The following SULT1C2 variants were observed in gnomAD, a reference collection of about 807,000 sequenced individuals.
SULT1C2 encodes the protein sulfotransferase family 1C member 2.
SULT1C2 carries 27 observed loss-of-function variants against 36.0 expected under a neutral mutation model. The ratio of observed to expected loss-of-function variants is 0.75; its 90% CI spans 0.55 to 1.03. SULT1C2 has a LOEUF of 1.03. Among genes scored for constraint, SULT1C2 ranks in the 50% least tolerant of loss-of-function variants. SULT1C2 has a pLI of 0.00. For missense variants in SULT1C2, 395 were observed against 359.2 expected (o/e 1.10, Z -0.80); for synonymous variants, 121 against 116.0 (o/e 1.04, Z -0.27).
intron 1 of SULT1C2, 102 bp from the exon 2 acceptor site, chr2:108,293,545 G>C: frequency 9.3e-7 from 1 of 1,076,574 alleles, no homozygotes; most frequent in Non-Finnish European, 1.3e-6. Flanking sequence ...TGTACTTAAT[G>C]CCTCTGAACT....
chr2:108,304,777 T>TC (rs1375326277), intron 5 of SULT1C2, 77 bp downstream of exon 5: 9 of 1,532,642 alleles, frequency 5.9e-6, no homozygotes, highest in Non-Finnish European at 6.1e-6. Flanking sequence ...CAGCATTTTA[T>TC]CCCCTAGAAT....
chr2:108,299,772 T>G (rs1407856016), intron 3 of SULT1C2: 1 of 152,222 alleles, frequency 6.6e-6, no homozygotes, highest in African/African-American at 2.4e-5. Context: ...AACAGATACC[T>G]GTACATCTAC....
chr2:108,291,819 A>G (rs999723474), intron 1 of SULT1C2, among the ~76,000 whole-genome samples: 9 of 152,204 alleles, frequency 5.9e-5, no homozygotes, highest in Admixed American at 2.0e-4. Context: ...CCTGCAAGAA[A>G]TGTTTGTTCT....
At chr2:108,295,794 G>A (rs1676710704) in intron 3 of SULT1C2, among the ~76,000 whole-genome samples, 1 of 152,088 alleles carries the variant, frequency 6.6e-6, no homozygotes, top group Non-Finnish European at 1.5e-5. Context: ...TCTAAGACCA[G>A]CATTTTTTGT....
intron 3 of SULT1C2, among the ~76,000 whole-genome samples, chr2:108,297,962 A>T (rs570556908): frequency 1.4e-4 from 21 of 152,164 alleles, no homozygotes; most frequent in Non-Finnish European, 2.8e-4. Context: ...AGATTTCCCA[A>T]TTAGAAGACT....
intron 7 of SULT1C2, among the ~76,000 whole-genome samples, chr2:108,307,331 C>A (rs1677049839): frequency 1.3e-5 from 2 of 152,148 alleles, no homozygotes; most frequent in Non-Finnish European, 2.9e-5. Flanking sequence ...AGCTTGCTCC[C>A]TAAAATGCAG....
At position 108,309,907 on chromosome 2, in the gene SULT1C2, G is replaced by A. The variant is rs891540312; in HGVS notation, c.*1443G>A. ...TTATGTAAATAAATAAAAGTTATCTGTATCCCCACTGCATTGTAAAATTTT... is the reference window on the plus strand; with the variant it reads ...TTATGTAAATAAATAAAAGTTATCTATATCCCCACTGCATTGTAAAATTTT... On this transcript the variant is annotated 3_prime_UTR_variant, in exon 8 of 8. Coordinates refer to ENST00000251481, the MANE Select transcript of SULT1C2 (RefSeq NM_001056.4). 1 of 152,172 alleles carries A rather than the reference G, an allele frequency of 6.6e-6. No homozygotes were observed. Among genetic ancestry groups the A allele is most frequent in the Non-Finnish European group, 1.5e-5 (1 of 68,030 alleles). The allele number at this position is 152,172 out of a possible 1,614,324, so 9.4% of individuals were successfully genotyped here. A position where few individuals can be genotyped will look rare whatever the true frequency, so the allele number is the denominator to read the frequency against.
chr2:108,304,782 T>C (rs1423030704), intron 5 of SULT1C2, 82 bp downstream of exon 5: 1 of 1,525,222 alleles, frequency 6.6e-7, no homozygotes. Flanking sequence ...TTTTATCCCC[T>C]AGAATGCCTG....
At chr2:108,291,295 T>C (rs1220584008) in intron 1 of SULT1C2, among the ~76,000 whole-genome samples, 1 of 152,168 alleles carries the variant, frequency 6.6e-6, no homozygotes, top group Non-Finnish European at 1.5e-5. Context: ...CTCTGACTGC[T>C]CTTCTACACC....
chr2:108,301,037 C>T, intron 4 of SULT1C2, 102 bp downstream of exon 4: 1 of 1,437,980 alleles, frequency 7.0e-7, no homozygotes, highest in Non-Finnish European at 9.5e-7. Flanking sequence ...TTTGCCTCTC[C>T]ACTGTCTCTG....
chr2:108,294,014 T>C (rs574467073), intron 2 of SULT1C2, among the ~76,000 whole-genome samples, 196 bp downstream of exon 2: 192 of 152,302 alleles, frequency 1.3e-3, no homozygotes, highest in Non-Finnish European at 2.3e-3. Flanking sequence ...GCACTGGTCT[T>C]GGGTGGAGAG....
At chr2:108,301,017 C>T (rs1164351116) in intron 4 of SULT1C2, 82 bp downstream of exon 4, 8 of 1,552,848 alleles carry the variant, frequency 5.2e-6, no homozygotes, top group Non-Finnish European at 6.1e-6. Flanking sequence ...GCAGAGCATT[C>T]GTGATCACCT....
In SULT1C2 at chr2:108,308,624, T is replaced by G. The variant is rs1295179714; in HGVS notation, c.*160T>G. The G allele has an allele frequency of 1.7e-6, 1 of 575,452 alleles. No homozygotes were observed. The highest frequency in any genetic ancestry group is 1.9e-5 in the African/African-American group (1 of 52,510). 35.6% of individuals were successfully genotyped at this position (575,452 alleles called of 1,614,324 possible). ...ATTAACAGTATGTCACCACTTCATT[T>G]TTTAAAAAGGATCACGTCTAATGCC... On this transcript the variant is annotated 3_prime_UTR_variant, in exon 8 of 8. Transcript: ENST00000251481.
At chr2:108,300,743 G>T in intron 3 of SULT1C2, 95 bp from the exon 4 acceptor site, 2 of 1,514,336 alleles carry the variant, frequency 1.3e-6, no homozygotes, top group Non-Finnish European at 1.8e-6. Context: ...CAGAAAGACA[G>T]GTGGGTGATG....
At chr2:108,291,840 C>A (rs1475174042) in intron 1 of SULT1C2, among the ~76,000 whole-genome samples, 5 of 152,234 alleles carry the variant, frequency 3.3e-5, no homozygotes, top group African/African-American at 1.2e-4. Context: ...TATCCCTCCT[C>A]TCCTGAATTT....
rs777681135 is a variant in SULT1C2, at chr2:108,294,223, C to A, written c.152-6C>A. ...CTGCTTCTCATCCTTCCTTTCTGAG[C>A]CTCAGGGACAACGTGGATTCAGGAA... On this transcript the variant is annotated splice_polypyrimidine_tract_variant and splice_region_variant and intron_variant, in intron 2 of 7. Transcript: ENST00000251481. 3.1e-6 allele frequency: 5 copies of A among 1,613,452 alleles called. No individual in the cohort carries two copies. In the Admixed American group the frequency reaches 6.7e-5, roughly 22 times the overall value.
chr2:108,301,217 A>AAGG, intron 4 of SULT1C2: 1 of 362,534 alleles, frequency 2.8e-6, no homozygotes. Context: ...AGGGGAGAAG[A>AAGG]TGGTGGTCCC....
intron 3 of SULT1C2, among the ~76,000 whole-genome samples, chr2:108,294,889 A>G (rs1676685537): frequency 6.6e-6 from 1 of 152,246 alleles, no homozygotes; most frequent in Non-Finnish European, 1.5e-5. Context: ...ACATCAAAAA[A>G]TAAAGAAAGC....
chr2:108,294,250 T>G lies in SULT1C2; in HGVS notation c.173T>G (p.Ile58Ser), dbSNP rs779708838. The G allele has an allele frequency of 6.2e-7, 1 of 1,613,916 alleles. No individual in the cohort carries two copies. The highest frequency in any genetic ancestry group is 1.1e-5 in the South Asian group (1 of 91,030). ...PKAGTTWIQE[I>S]VDMIEQNGDV... The stretch of plus-strand genomic sequence containing the variant: ...TCAGGGACAACGTGGATTCAGGAAA[T>G]TGTGGATATGATTGAACAGAATGGG... The change falls in exon 3 of 8, where the codon ATT (isoleucine) becomes AGT (serine). Residue 58 changes from isoleucine (I) to serine (S), a missense_variant. Transcript: ENST00000251481.
Sources: allele counts gnomAD v4.1 joint callset (sites outside exome capture counted in the v4.1 genomes callset), GRCh38; gene constraint gnomAD v4.1.1; transcripts MANE v1.5; gene names NCBI Gene and HGNC (gene_info 2026-07-23, HGNC 2026-07-21).